Variants in ZC3H12D observed in about 807,000 individuals in gnomAD.
ZC3H12D encodes the protein zinc finger CCCH-type containing 12D.
A neutral mutation model predicts 24.2 loss-of-function variants in ZC3H12D; 11 were observed. The observed-to-expected ratio is 0.46, with a 90% confidence interval of 0.29 to 0.75. ZC3H12D has a LOEUF of 0.75. ZC3H12D is among the 30% of genes least tolerant of loss of function. The pLI is 0.11. For missense variants in ZC3H12D, 740 were observed against 767.7 expected (o/e 0.96, Z 0.43); for synonymous variants, 333 against 341.8 (o/e 0.97, Z 0.28).
intron 3 of ZC3H12D, among the ~76,000 whole-genome samples, chr6:149,458,749 C>G (rs1776028544): frequency 6.6e-6 from 1 of 152,196 alleles, no homozygotes; most frequent in Non-Finnish European, 1.5e-5. Context: ...CTTGCCGATA[C>G]TTGGCATTTT....
intron 1 of ZC3H12D, 139 bp from the exon 2 acceptor site, chr6:149,474,752 G>T: frequency 2.3e-6 from 1 of 429,790 alleles, no homozygotes; most frequent in Non-Finnish European, 4.1e-6. Flanking sequence ...ACTTTCAGTT[G>T]CTCAATGTGG....
chr6:149,475,369 C>T (rs1776318793), intron 1 of ZC3H12D, among the ~76,000 whole-genome samples: 1 of 152,196 alleles, frequency 6.6e-6, no homozygotes, highest in African/African-American at 2.4e-5. Flanking sequence ...TGCTTGCTGC[C>T]CTGCACAGCT....
intron 3 of ZC3H12D, among the ~76,000 whole-genome samples, chr6:149,461,352 A>AAAAG (rs375521280): frequency 0.041 from 6,089 of 147,350 alleles, 430 homozygotes; most frequent in African/African-American, 0.15. Flanking sequence ...AAAAAAAAAA[A>AAAAG]AAGAAGAAGA....
In ZC3H12D at chr6:149,474,276, G is replaced by A. The variant is rs1488349283; in HGVS notation, c.268C>T (p.Arg90Ter). The change falls in exon 2 of 6, where the codon CGA becomes TGA. Residue 90 changes from arginine to a stop codon, truncating the protein, a stop_gained. Transcript: ENST00000409806. LOFTEE classifies it high-confidence loss of function. ...TTGCTGCCATCAATCACTATGGGTC[G>A]CAGAGAACTGGCCAGGGTTCTGAAG... ...EDFRTLASSL[R>*]PIVIDGSNVA... 2 of 1,520,400 alleles carry A rather than the reference G, an allele frequency of 1.3e-6. No individual in the cohort carries two copies. Among genetic ancestry groups the A allele is most frequent in the Admixed American group, 2.1e-5 (1 of 47,528 alleles). The allele number at this position is 1,520,400 out of a possible 1,614,324, so 94.2% of individuals were successfully genotyped here. A position where few individuals can be genotyped will look rare whatever the true frequency, so the allele number is the denominator to read the frequency against.
chr6:149,451,491 G>T lies in ZC3H12D; in HGVS notation c.788-12C>A. 6.4e-7 allele frequency: 1 copy of T among 1,558,062 alleles called. No homozygotes were observed. Among genetic ancestry groups the T allele is most frequent in the South Asian group, 1.1e-5 (1 of 87,522 alleles). Reference sequence around the variant, plus strand: ...GGTGCATTTCTTGCCTGAAAGGGGCGGGGGCAGAGAGGGCGCGACGTGAGG... The same window carrying T: ...GGTGCATTTCTTGCCTGAAAGGGGCTGGGGCAGAGAGGGCGCGACGTGAGG... On this transcript the variant is annotated splice_polypyrimidine_tract_variant and intron_variant, in intron 5 of 5. Coordinates refer to ENST00000409806, the MANE Select transcript of ZC3H12D (RefSeq NM_207360.3).
intron 4 of ZC3H12D, among the ~76,000 whole-genome samples, chr6:149,455,925 A>T (rs1369186200): frequency 1.4e-5 from 2 of 146,392 alleles, no homozygotes; most frequent in African/African-American, 5.1e-5. Context: ...TCTGTTGCCT[A>T]CTCCCATATG....
Position 149,456,877 on chromosome 6 carries a change from C to T in ZC3H12D, c.469G>A (p.Glu157Lys). The T allele has an allele frequency of 6.2e-7, 1 of 1,603,424 alleles. No homozygotes were observed. Among genetic ancestry groups the T allele is most frequent in the Non-Finnish European group, 8.5e-7 (1 of 1,178,780 alleles). ...GTGTACACCAGCACCGCCTGCCGCTCCAGCTCCGCCAGCACGTGCTGCTCT... is the reference window on the plus strand; with the variant it reads ...GTGTACACCAGCACCGCCTGCCGCTTCAGCTCCGCCAGCACGTGCTGCTCT... ...IREQHVLAEL[E>K]RQAVLVYTPS... Residue 157 changes from glutamate (E) to lysine (K), a missense_variant, in exon 4 of 6, where the codon GAG becomes AAG. Coordinates refer to ENST00000409806, the MANE Select transcript of ZC3H12D (RefSeq NM_207360.3). This position sits in a 1 kb window ranked among gnomAD's most constrained non-coding sequence, Gnocchi z 4.3.
In ZC3H12D at chr6:149,451,364, C is replaced by A; in HGVS notation, c.903G>T (p.Ala301=). 2.0e-6 allele frequency: 3 copies of A among 1,509,734 alleles called. No homozygotes were observed. Among genetic ancestry groups the A allele is most frequent in the Admixed American group, 4.3e-5 (2 of 46,806 alleles). 93.5% of individuals were successfully genotyped at this position (1,509,734 alleles called of 1,614,324 possible). Residue 301 remains alanine, a synonymous_variant, in exon 6 of 6, where the codon GCG becomes GCT. Coordinates refer to ENST00000409806, the MANE Select transcript of ZC3H12D (RefSeq NM_207360.3). ...TCGGTGGCCGCTGCTCCTCGGCGCC[C>A]GCGCCAGGCCGGGCCCCTGTCTTGG... ...LRAKTGARPG[A]GAEEQRPPRA...
In ZC3H12D at chr6:149,450,644, G is replaced by A. The variant is rs571164448; in HGVS notation, c.*39C>T. The A allele has an allele frequency of 6.8e-7, 1 of 1,468,720 alleles. No homozygotes were observed. The highest frequency in any genetic ancestry group is 2.5e-5 in the East Asian group (1 of 39,264). 91.0% of individuals were successfully genotyped at this position (1,468,720 alleles called of 1,614,324 possible). Reference sequence around the variant, plus strand: ...CAGGTCCACCCGTCCAAGACGCAAGGCGAGGCTGGGCCATTCCCTGCAAGT... The same window carrying A: ...CAGGTCCACCCGTCCAAGACGCAAGACGAGGCTGGGCCATTCCCTGCAAGT... On this transcript the variant is annotated 3_prime_UTR_variant, in exon 6 of 6. Transcript: ENST00000409806.
Position 149,456,631 on chromosome 6 carries a change from G to GC in ZC3H12D, c.680+34dup, listed in dbSNP as rs1775984343. ...CTCGACCCCGGCCCCCCGCCCCGCC[G>GC]CCCCCCAGGGTGTCAGGACCCCAGC... On this transcript the variant is annotated intron_variant, in intron 4 of 5. Transcript: ENST00000409806. The surrounding 1 kb of genome is among the most constrained non-coding windows in gnomAD (Gnocchi z 4.3). The GC allele has an allele frequency of 1.6e-5, 13 of 794,038 alleles. No individual in the cohort carries two copies. The highest frequency in any genetic ancestry group is 3.5e-5 in the East Asian group (1 of 28,280). 49.2% of individuals were successfully genotyped at this position (794,038 alleles called of 1,614,324 possible).
chr6:149,480,863 A>T (rs1408755016), intron 1 of ZC3H12D, among the ~76,000 whole-genome samples: 1 of 148,792 alleles, frequency 6.7e-6, no homozygotes, highest in Non-Finnish European at 1.5e-5. Flanking sequence ...GGCTCTTCCA[A>T]GTGCGAAGAA....
Position 149,456,591 on chromosome 6 carries a change from A to C in ZC3H12D, c.680+75T>G. 1 of 1,266,148 alleles carries C rather than the reference A, an allele frequency of 7.9e-7. No homozygotes were observed. The highest frequency in any genetic ancestry group is 1.1e-6 in the Non-Finnish European group (1 of 906,486). 78.4% of individuals were successfully genotyped at this position (1,266,148 alleles called of 1,614,324 possible). On this transcript the variant is annotated intron_variant, in intron 4 of 5. Transcript: ENST00000409806. This position sits in a 1 kb window ranked among gnomAD's most constrained non-coding sequence, Gnocchi z 4.3. The stretch of plus-strand genomic sequence containing the variant: ...ACCCCAAGCTCCTCCACCTGGTAGC[A>C]GGCGTGGCCACTGCCTCGACCCCGG...
rs1205308818 is a variant in ZC3H12D at position 149,449,087 on chromosome 6, A to G, written c.*1596T>C. ...CCAGGAGAGGCCAGGGCCCCTGAGG[A>G]TTCGGGGGTCGGCACTCTGGCAGCA... is the stretch of plus-strand genomic sequence containing the variant. On this transcript the variant is annotated 3_prime_UTR_variant, in exon 6 of 6. Transcript: ENST00000409806. 6.6e-6 allele frequency: 1 copy of G among 152,224 alleles called. No homozygotes were observed. Among genetic ancestry groups the G allele is most frequent in the African/African-American group, 2.4e-5 (1 of 41,452 alleles). The allele number at this position is 152,224 out of a possible 1,614,324, so 9.4% of individuals were successfully genotyped here. A position where few individuals can be genotyped will look rare whatever the true frequency, so the allele number is the denominator to read the frequency against.
At chr6:149,459,452 C>A in intron 3 of ZC3H12D, 1 of 606,702 alleles carries the variant, frequency 1.6e-6, no homozygotes. Context: ...AGACAGAAAG[C>A]AGAGAGGATT....
chr6:149,481,510 G>T (rs538377587), intron 1 of ZC3H12D, among the ~76,000 whole-genome samples: 1 of 151,596 alleles, frequency 6.6e-6, no homozygotes, highest in Non-Finnish European at 1.5e-5. Context: ...TGAGTAGCTG[G>T]GACTACAGGC....
rs994995969 is a variant in ZC3H12D, at chr6:149,450,134, A to G, written c.*549T>C. 2 of 152,296 alleles carry G rather than the reference A, an allele frequency of 1.3e-5. No individual in the cohort carries two copies. Among genetic ancestry groups the G allele is most frequent in the Non-Finnish European group, 2.9e-5 (2 of 68,126 alleles). The allele number at this position is 152,296 out of a possible 1,614,324, so 9.4% of individuals were successfully genotyped here. On this transcript the variant is annotated 3_prime_UTR_variant, in exon 6 of 6. Transcript: ENST00000409806. ...CAATAGCTAACATGAAAACTTCCAGATAGCAAACCTCCCCTGGCCACCTGA... is the reference window on the plus strand; with the variant it reads ...CAATAGCTAACATGAAAACTTCCAGGTAGCAAACCTCCCCTGGCCACCTGA...
Position 149,456,622 on chromosome 6 carries a change from C to CCCCCCCCCCCCCCCCCCGGGGGTGG in ZC3H12D, c.680+43_680+44insCCACCCCCGGGGGGGGGGGGGGGGG. On this transcript the variant is annotated intron_variant, in intron 4 of 5. Coordinates refer to ENST00000409806, the MANE Select transcript of ZC3H12D (RefSeq NM_207360.3). The surrounding 1 kb of genome is among the most constrained non-coding windows in gnomAD (Gnocchi z 4.3). ...GGCCACTGCCTCGACCCCGGCCCCC[C>CCCCCCCCCCCCCCCCCCGGGGGTGG]GCCCCGCCGCCCCCCAGGGTGTCAG... is the stretch of plus-strand genomic sequence containing the variant. 1 of 1,314,360 alleles carries CCCCCCCCCCCCCCCCCCGGGGGTGG rather than the reference C, an allele frequency of 7.6e-7. No individual in the cohort carries two copies. The highest frequency in any genetic ancestry group is 1.1e-6 in the Non-Finnish European group (1 of 921,308). 81.4% of individuals were successfully genotyped at this position (1,314,360 alleles called of 1,614,324 possible). A position where few individuals can be genotyped will look rare whatever the true frequency, so the allele number is the denominator to read the frequency against.
In ZC3H12D at chr6:149,452,339, C is replaced by T; in HGVS notation, c.787+277G>A. On this transcript the variant is annotated intron_variant, in intron 5 of 5. Coordinates refer to ENST00000409806, the MANE Select transcript of ZC3H12D (RefSeq NM_207360.3). The surrounding 1 kb of genome is among the most constrained non-coding windows in gnomAD (Gnocchi z 4.0). Reference sequence around the variant, plus strand: ...TGAGACCCGCAGCTGGGTTTGTGTCCAGGCTCCCGGCTTCTCAGACACAGC... The same window carrying T: ...TGAGACCCGCAGCTGGGTTTGTGTCTAGGCTCCCGGCTTCTCAGACACAGC... 2.8e-6 allele frequency: 1 copy of T among 359,908 alleles called. No individual in the cohort carries two copies. Among genetic ancestry groups the T allele is most frequent in the Non-Finnish European group, 5.0e-6 (1 of 200,550 alleles). 22.3% of individuals were successfully genotyped at this position (359,908 alleles called of 1,614,324 possible). A position where few individuals can be genotyped will look rare whatever the true frequency, so the allele number is the denominator to read the frequency against.
At chr6:149,478,647 G>C (rs1408742739) in intron 1 of ZC3H12D, among the ~76,000 whole-genome samples, 1 of 152,158 alleles carries the variant, frequency 6.6e-6, no homozygotes, top group East Asian at 1.9e-4. Flanking sequence ...TGTTCCAACA[G>C]GTATTTCCAC....
Sources: allele counts gnomAD v4.1 joint callset (sites outside exome capture counted in the v4.1 genomes callset), GRCh38; gene constraint gnomAD v4.1.1; non-coding constraint Gnocchi (gnomAD v3.1); transcripts MANE v1.5; gene names NCBI Gene and HGNC (gene_info 2026-07-23, HGNC 2026-07-21).